Variants in NELL2 observed in about 807,000 individuals in gnomAD.
NELL2 encodes the protein protein kinase C-binding protein NELL2.
A neutral mutation model predicts 109.6 loss-of-function variants in NELL2; 41 were observed. The ratio of observed to expected loss-of-function variants is 0.37; its 90% CI spans 0.29 to 0.49. The LOEUF (loss-of-function observed/expected upper bound fraction) is 0.49. Ranked by LOEUF, NELL2 falls within the 20% of genes least tolerant of loss-of-function variation. NELL2 has a pLI of 0.98. For synonymous variants in NELL2, 355 were observed against 344.7 expected, an observed-to-expected ratio of 1.03 and a Z score of -0.33; for missense variants, 900 against 1,008.3, an observed-to-expected ratio of 0.89 and a Z score of 1.45.
chr12:44,758,352 G>A (rs1418078876), intron 9 of NELL2, among the ~76,000 whole-genome samples: 1 of 152,166 alleles, frequency 6.6e-6, no homozygotes, highest in Non-Finnish European at 1.5e-5. Flanking sequence ...GCTATTCGCT[G>A]TGTTGGTTGT....
chr12:44,559,385 A>T (rs1248376604), intron 15 of NELL2, among the ~76,000 whole-genome samples: 1 of 152,194 alleles, frequency 6.6e-6, no homozygotes, highest in East Asian at 1.9e-4. Context: ...CAGACTAGCA[A>T]ATTGGATAAA....
chr12:44,691,185 C>A (rs1948888567), intron 12 of NELL2, among the ~76,000 whole-genome samples: 1 of 152,182 alleles, frequency 6.6e-6, no homozygotes. Flanking sequence ...TTTGTGACAA[C>A]CCTACATTGA....
chr12:44,741,065 G>A (rs552659662), intron 9 of NELL2, among the ~76,000 whole-genome samples: 22 of 152,076 alleles, frequency 1.4e-4, no homozygotes, highest in Admixed American at 5.2e-4. Flanking sequence ...ATGGATTTTC[G>A]TTCCATTCTG....
chr12:44,876,583 T>C (rs906173916), upstream of NELL2: 5 of 1,532,962 alleles, frequency 3.3e-6, no homozygotes, highest in African/African-American at 1.4e-5. Flanking sequence ...AGGTGCTAAG[T>C]TGATGGGCGG....
At chr12:44,529,117 G>A (rs1335556403) in intron 16 of NELL2, among the ~76,000 whole-genome samples, 1 of 152,102 alleles carries the variant, frequency 6.6e-6, no homozygotes, top group Non-Finnish European at 1.5e-5. Context: ...AGGGGAATTG[G>A]GTGTGGAAGT....
intron 9 of NELL2, among the ~76,000 whole-genome samples, chr12:44,731,880 G>T (rs776672733): frequency 2.0e-5 from 3 of 152,034 alleles, no homozygotes; most frequent in Non-Finnish European, 4.4e-5. Context: ...TAGCAAATTT[G>T]TAGGACATGA....
chr12:44,625,002 A>G (rs981429089), intron 13 of NELL2, among the ~76,000 whole-genome samples: 4 of 87,202 alleles, frequency 4.6e-5, no homozygotes, highest in African/African-American at 4.4e-4. Flanking sequence ...GTGTGTATAT[A>G]TATATATATA....
rs542240473 is a variant in NELL2, at chr12:44,636,019, C to A, written c.1445-25049G>T. Reference sequence around the variant, plus strand: ...TTTCATGTCCCTTGTAAGTTGTATTCCTAGGTATTTTATTCTCTTTGTAGC... The same window carrying A: ...TTTCATGTCCCTTGTAAGTTGTATTACTAGGTATTTTATTCTCTTTGTAGC... On this transcript the variant is annotated intron_variant, in intron 13 of 19. Coordinates refer to ENST00000429094, the MANE Select transcript of NELL2 (RefSeq NM_001145108.2). Among the ~76,000 whole-genome samples the A allele has an allele frequency of 1.4e-4, 21 of 152,180 alleles. No homozygotes were observed. In the South Asian group the frequency reaches 3.7e-3, roughly 27 times the overall value.
intron 13 of NELL2, among the ~76,000 whole-genome samples, chr12:44,632,285 T>C (rs143273501): frequency 4.1e-4 from 63 of 152,234 alleles, no homozygotes; most frequent in African/African-American, 1.5e-3. Context: ...ATCTCACTTC[T>C]ATTCAACACT....
intron 13 of NELL2, among the ~76,000 whole-genome samples, chr12:44,643,346 A>C (rs1468419048): frequency 6.6e-6 from 1 of 152,222 alleles, no homozygotes; most frequent in African/African-American, 2.4e-5. Flanking sequence ...TTGATATGAT[A>C]AAATATTCAT....
chr12:44,541,151 T>C (rs1942543733), intron 15 of NELL2, among the ~76,000 whole-genome samples: 1 of 145,940 alleles, frequency 6.9e-6, no homozygotes, highest in Non-Finnish European at 1.5e-5. Flanking sequence ...CTCGGGAGGC[T>C]GAGGCAGGAG....
intron 1 of NELL2, among the ~76,000 whole-genome samples, chr12:44,887,208 G>C (rs1945483591): frequency 6.6e-6 from 1 of 151,910 alleles, no homozygotes; most frequent in South Asian, 2.1e-4. Context: ...TTAGCAATGA[G>C]ATTTCACTAT....
chr12:44,624,462 C>G (rs1268518885), intron 13 of NELL2, among the ~76,000 whole-genome samples: 1 of 152,098 alleles, frequency 6.6e-6, no homozygotes, highest in African/African-American at 2.4e-5. Flanking sequence ...CCTCTAATTA[C>G]ACCCAGCACC....
At position 44,858,170 on chromosome 12, in the gene NELL2, T is replaced by C. The variant is rs1944737048; in HGVS notation, c.184+17055A>G. Among the ~76,000 whole-genome samples, 7 of 152,262 alleles carry C rather than the reference T, an allele frequency of 4.6e-5. No individual in the cohort carries two copies. In the South Asian group the frequency reaches 1.2e-3, roughly 27 times the overall value. On this transcript the variant is annotated intron_variant, in intron 2 of 19. Coordinates refer to ENST00000429094, the MANE Select transcript of NELL2 (RefSeq NM_001145108.2). ...GAAGTAGTACTATTACTATGCCAATTGAGGCAGAAATAAGTAACAAGATCA... is the reference window on the plus strand; with the variant it reads ...GAAGTAGTACTATTACTATGCCAATCGAGGCAGAAATAAGTAACAAGATCA...
At chr12:44,629,803 T>C (rs1036483886) in intron 13 of NELL2, among the ~76,000 whole-genome samples, 1 of 152,218 alleles carries the variant, frequency 6.6e-6, no homozygotes, top group Non-Finnish European at 1.5e-5. Context: ...AACACTGTCA[T>C]AAATTTTCAA....
At chr12:44,854,803 A>C (rs1242050602) in intron 2 of NELL2, among the ~76,000 whole-genome samples, 1 of 151,980 alleles carries the variant, frequency 6.6e-6, no homozygotes, top group Non-Finnish European at 1.5e-5. Context: ...TATTCCAAAA[A>C]AAAAAGTTAC....
chr12:44,835,689 G>C (rs1248247115), intron 2 of NELL2, among the ~76,000 whole-genome samples: 1 of 152,178 alleles, frequency 6.6e-6, no homozygotes, highest in African/African-American at 2.4e-5. Context: ...CAATTTACTG[G>C]ATCATGCTGT....
intron 3 of NELL2, among the ~76,000 whole-genome samples, chr12:44,810,770 G>C (rs1943148466): frequency 6.6e-6 from 1 of 152,060 alleles, no homozygotes; most frequent in African/African-American, 2.4e-5. Context: ...TGCCGTCAGG[G>C]ATAGAAACTG....
chr12:44,877,934 G>T (rs893873437), upstream of NELL2, among the ~76,000 whole-genome samples: 14 of 152,188 alleles, frequency 9.2e-5, no homozygotes, highest in Middle Eastern at 3.4e-3. Context: ...AATCATCAGA[G>T]AATTAAAGAC....
Sources: gnomAD v4.1 joint callset for allele counts (sites outside exome capture counted in the v4.1 genomes callset) on GRCh38, gnomAD v4.1.1 for gene constraint, MANE v1.5 for transcripts, NCBI Gene and HGNC (gene_info 2026-07-23, HGNC 2026-07-21) for gene names.